Variants in TBC1D20 observed in about 807,000 individuals in gnomAD.
TBC1D20 encodes chromosome 20 open reading frame 140.
TBC1D20 carries 12 observed loss-of-function variants against 41.6 expected under a neutral mutation model. The ratio of observed to expected loss-of-function variants is 0.29; its 90% confidence interval spans 0.18 to 0.47. The LOEUF (loss-of-function observed/expected upper bound fraction) is 0.47. Ranked by LOEUF, TBC1D20 falls within the 20% of genes least tolerant of loss-of-function variation. The probability of loss-of-function intolerance (pLI) is 1.00; values close to 1 mark genes in which losing one functional copy is unlikely to be tolerated. For missense variants in TBC1D20, 421 were observed against 517.4 expected (o/e 0.81, Z 1.81); for synonymous variants, 205 against 204.8 (o/e 1.00, Z -0.01).
intron 1 of TBC1D20, among the ~76,000 whole-genome samples, chr20:452,609 C>A (rs903672531): frequency 4.6e-5 from 7 of 152,112 alleles, no homozygotes; most frequent in Admixed American, 4.6e-4. Context: ...AGAGCAATAC[C>A]CTATTATCAA....
At chr20:455,105 G>C (rs895859272) in intron 1 of TBC1D20, among the ~76,000 whole-genome samples, 2 of 152,234 alleles carry the variant, frequency 1.3e-5, no homozygotes, top group Non-Finnish European at 2.9e-5. Flanking sequence ...GCGACAGAAA[G>C]ATAATAGGAG....
chr20:446,953 T>C (rs888935482), intron 2 of TBC1D20, among the ~76,000 whole-genome samples: 1 of 141,736 alleles, frequency 7.1e-6, no homozygotes, highest in Non-Finnish European at 1.5e-5. Context: ...ATTTTTTTTT[T>C]TTTTTTTTTT....
In TBC1D20 at chr20:439,172, G is replaced by T. The variant is rs1195826229; in HGVS notation, c.892C>A (p.Leu298Ile). Residue 298 changes from leucine to isoleucine, a missense_variant, in exon 7 of 8, where the codon CTT (leucine) becomes ATT (isoleucine). Physicochemically the swap from Leu to Ile is conservative, Grantham distance 5. Transcript: ENST00000354200. The surrounding 1 kb of genome is among the most constrained non-coding windows in gnomAD (Gnocchi z 4.6). ...TCGGATGGGGGAAACTGAACAAAAA[G>T]GTCTCCTGCTCTGCTGATCAGTGTC... ...YETLISRAGD[L>I]FVQFPPSELA... is the part of the protein sequence containing the mutation. 6.8e-6 allele frequency: 11 copies of T among 1,614,186 alleles called. No homozygotes were observed. The highest frequency in any genetic ancestry group is 9.3e-6 in the Non-Finnish European group (11 of 1,180,018).
intron 6 of TBC1D20, among the ~76,000 whole-genome samples, chr20:440,029 A>T (rs2017195836): frequency 1.3e-5 from 2 of 152,196 alleles, no homozygotes; most frequent in African/African-American, 4.8e-5. Flanking sequence ...TCATGCAGCA[A>T]AAAAAATCTG....
intron 1 of TBC1D20, among the ~76,000 whole-genome samples, chr20:452,709 A>G (rs866823596): frequency 6.6e-6 from 1 of 152,234 alleles, no homozygotes; most frequent in African/African-American, 2.4e-5. Flanking sequence ...GTTCATGTGA[A>G]GTGGAAGATA....
intron 1 of TBC1D20, among the ~76,000 whole-genome samples, chr20:458,923 C>T (rs1275437226): frequency 6.6e-6 from 1 of 152,156 alleles, no homozygotes; most frequent in African/African-American, 2.4e-5. Context: ...GCCCCAACAC[C>T]ACCCTCCTCA....
chr20:448,167 G>GT, intron 1 of TBC1D20, 93 bp from the exon 2 acceptor site: 1 of 827,024 alleles, frequency 1.2e-6, no homozygotes, highest in Admixed American at 2.2e-5. Flanking sequence ...TGAGGTACAG[G>GT]TAAGTATCTC....
chr20:449,496 G>A (rs1437888031), intron 1 of TBC1D20, among the ~76,000 whole-genome samples: 1 of 43,122 alleles, frequency 2.3e-5, no homozygotes, highest in Non-Finnish European at 4.1e-5. Flanking sequence ...TCGGGAGGCT[G>A]AGGCAGGAGA....
intron 1 of TBC1D20, 92 bp from the exon 2 acceptor site, chr20:448,166 G>T: frequency 1.2e-6 from 1 of 832,606 alleles, no homozygotes. Context: ...ATGAGGTACA[G>T]GTAAGTATCT....
At chr20:460,791 C>CA (rs899553398) in intron 1 of TBC1D20, among the ~76,000 whole-genome samples, 25 of 152,224 alleles carry the variant, frequency 1.6e-4, no homozygotes, top group Non-Finnish European at 3.4e-4. Flanking sequence ...ATAACAAAAA[C>CA]AAAAAACCTC....
In TBC1D20 at chr20:438,191, G is replaced by C; in HGVS notation, c.*395C>G. ...GTCCATCTGATGCAGGCAAGCAGGA[G>C]CAGTAAGAGGGCATCCCATGTTCCA... On this transcript the variant is annotated 3_prime_UTR_variant, in exon 8 of 8. Transcript: ENST00000354200. 1 of 181,072 alleles carries C rather than the reference G, an allele frequency of 5.5e-6. No homozygotes were observed. The highest frequency in any genetic ancestry group is 1.2e-5 in the Non-Finnish European group (1 of 84,264). 11.2% of individuals were successfully genotyped at this position (181,072 alleles called of 1,614,324 possible). A position where few individuals can be genotyped will look rare whatever the true frequency, so the allele number is the denominator to read the frequency against.
At position 445,036 on chromosome 20, in the gene TBC1D20, G is replaced by A; in HGVS notation, c.337+14C>T. 2 of 1,595,804 alleles carry A rather than the reference G, an allele frequency of 1.3e-6. No individual in the cohort carries two copies. Among genetic ancestry groups the A allele is most frequent in the Non-Finnish European group, 1.7e-6 (2 of 1,168,540 alleles). On this transcript the variant is annotated intron_variant, in intron 3 of 7. Coordinates refer to ENST00000354200, the MANE Select transcript of TBC1D20 (RefSeq NM_144628.4). The stretch of plus-strand genomic sequence containing the variant: ...AGTCTTTCCAAATGTGGCAGGACCG[G>A]GAGAGCTTCTCACCAGGAGGGAACC...
At chr20:452,887 T>C (rs1332403719) in intron 1 of TBC1D20, among the ~76,000 whole-genome samples, 1 of 152,114 alleles carries the variant, frequency 6.6e-6, no homozygotes, top group African/African-American at 2.4e-5. Flanking sequence ...CGGTGGTTCA[T>C]GCCTGTGATC....
intron 1 of TBC1D20, among the ~76,000 whole-genome samples, chr20:453,540 A>T (rs112047324): frequency 0.48 from 50,919 of 105,970 alleles, 13,788 homozygotes; most frequent in African/African-American, 0.56. Context: ...GTAATCCAGC[A>T]TTTTTTTTTT....
chr20:456,572 T>C (rs1192155832), intron 1 of TBC1D20, among the ~76,000 whole-genome samples: 1 of 135,700 alleles, frequency 7.4e-6, no homozygotes, highest in East Asian at 1.9e-4. Context: ...TTTCTTCTTC[T>C]TTTTTTTTGA....
rs757722984 is a variant in TBC1D20 at position 440,198 on chromosome 20, G to A, written c.768+50C>T. On this transcript the variant is annotated intron_variant, in intron 6 of 7. Coordinates refer to ENST00000354200, the MANE Select transcript of TBC1D20 (RefSeq NM_144628.4). Reference sequence around the variant, plus strand: ...TTTCCCTTCAGGGAAAATGACCACAGTGGGATGGGTGATGGTGAACCCAGC... The same window carrying A: ...TTTCCCTTCAGGGAAAATGACCACAATGGGATGGGTGATGGTGAACCCAGC... 4 of 1,596,364 alleles carry A rather than the reference G, an allele frequency of 2.5e-6. No individual in the cohort carries two copies. In the Admixed American group the frequency reaches 5.2e-5, roughly 21 times the overall value.
Position 462,474 on chromosome 20 carries a change from C to T in TBC1D20, c.-69G>A. The T allele has an allele frequency of 3.1e-6, 3 of 978,694 alleles. No homozygotes were observed. Among genetic ancestry groups the T allele is most frequent in the Non-Finnish European group, 3.9e-6 (3 of 769,336 alleles). 60.6% of individuals were successfully genotyped at this position (978,694 alleles called of 1,614,324 possible). ...GAGCCGGGAGAAGACGCGGCTCCGACCGCGGGACGTAGCACCCGCTCGGCA... is the reference window on the plus strand; with the variant it reads ...GAGCCGGGAGAAGACGCGGCTCCGATCGCGGGACGTAGCACCCGCTCGGCA... On this transcript the variant is annotated 5_prime_UTR_variant, in exon 1 of 8. Transcript: ENST00000354200.
rs952908005 is a variant in TBC1D20 at position 439,005 on chromosome 20, C to T, written c.956+103G>A. 32 of 1,487,040 alleles carry T rather than the reference C, an allele frequency of 2.2e-5. No individual in the cohort carries two copies. Among genetic ancestry groups the T allele is most frequent in the Non-Finnish European group, 2.8e-5 (31 of 1,102,288 alleles). The allele number at this position is 1,487,040 out of a possible 1,614,324, so 92.1% of individuals were successfully genotyped here. ...GGATTCCACTGGCCTAAGCTCAGAT[C>T]TCTGGAAACATGCCCCAACCCTATC... On this transcript the variant is annotated intron_variant, in intron 7 of 7. Coordinates refer to ENST00000354200, the MANE Select transcript of TBC1D20 (RefSeq NM_144628.4). This position sits in a 1 kb window ranked among gnomAD's most constrained non-coding sequence, Gnocchi z 4.6.
At chr20:451,376 C>A (rs2017439098) in intron 1 of TBC1D20, among the ~76,000 whole-genome samples, 1 of 152,092 alleles carries the variant, frequency 6.6e-6, no homozygotes, top group Admixed American at 6.5e-5. Context: ...GAAACCCTGT[C>A]TCTACTTTAA....
Sources: gnomAD v4.1 joint callset for allele counts (sites outside exome capture counted in the v4.1 genomes callset) on GRCh38, gnomAD v4.1.1 for gene constraint, Gnocchi (gnomAD v3.1) non-coding constraint, MANE v1.5 for transcripts, NCBI Gene and HGNC (gene_info 2026-07-23, HGNC 2026-07-21) for gene names.